The following FDFT1 variants were observed in gnomAD, a reference collection of about 807,000 sequenced individuals.
FDFT1 encodes the protein farnesyl-diphosphate farnesyltransferase 1, also known as squalene synthase.
FDFT1 carries 68 observed loss-of-function variants against 46.8 expected under a neutral mutation model. That is an observed-to-expected ratio of 1.45 (90% CI 1.19 to 1.78). The LOEUF (loss-of-function observed/expected upper bound fraction) is 1.78, where lower values mean the gene tolerates loss of function less well. Ranked by LOEUF, FDFT1 falls within the 40% of genes most tolerant of loss-of-function variation. FDFT1 has a pLI of 0.00. For synonymous variants in FDFT1, 351 were observed against 185.1 expected, an observed-to-expected ratio of 1.90 and a Z score of -7.28; for missense variants, 928 against 524.4, an observed-to-expected ratio of 1.77 and a Z score of -7.52.
intron 2 of FDFT1, chr8:11,809,103 G>T: frequency 7.8e-7 from 1 of 1,282,142 alleles, no homozygotes; most frequent in Non-Finnish European, 1.0e-6. Context: ...GCCTTTCAGA[G>T]AAGAGGGGGG....
chr8:11,810,806 G>A (rs1807610153), intron 3 of FDFT1, among the ~76,000 whole-genome samples: 1 of 151,992 alleles, frequency 6.6e-6, no homozygotes, highest in South Asian at 2.1e-4. Flanking sequence ...AGAGCTTTTG[G>A]AGAACAGTCC....
intron 3 of FDFT1, among the ~76,000 whole-genome samples, chr8:11,817,449 C>G (rs1478585273): frequency 6.6e-6 from 1 of 152,152 alleles, no homozygotes. Flanking sequence ...GGTACCAGCT[C>G]CTCTTTGTAC....
intron 7 of FDFT1, among the ~76,000 whole-genome samples, chr8:11,832,355 G>C (rs896874729): frequency 6.6e-6 from 1 of 151,684 alleles, no homozygotes; most frequent in Non-Finnish European, 1.5e-5. Context: ...AGGAATTCAA[G>C]ACCAGCCCGG....
chr8:11,824,606 T>TC (rs34732188), intron 4 of FDFT1, among the ~76,000 whole-genome samples: 71,387 of 151,420 alleles, frequency 0.47, 18,989 homozygotes, highest in Non-Finnish European at 0.6. Flanking sequence ...TTTTTTTTTT[T>TC]CTCACATGGG....
At chr8:11,803,073 C>T in intron 1 of FDFT1, 142 bp downstream of exon 1, 7 of 1,447,312 alleles carry the variant, frequency 4.8e-6, no homozygotes, top group Non-Finnish European at 5.4e-6. Flanking sequence ...CCCCTTTCCT[C>T]GAGCCTTCCC....
intron 1 of FDFT1, chr8:11,808,419 G>A (rs113733106): frequency 0.066 from 83,088 of 1,255,326 alleles, 3,044 homozygotes; most frequent in Non-Finnish European, 0.075. Flanking sequence ...GGCCCAGCGC[G>A]TATTCGAGTA....
chr8:11,800,548 A>G (rs1806013954), upstream of FDFT1, among the ~76,000 whole-genome samples: 2 of 152,180 alleles, frequency 1.3e-5, no homozygotes, highest in South Asian at 4.1e-4. Flanking sequence ...GGAAGGAGGA[A>G]GTAACTTGTG....
intron 3 of FDFT1, among the ~76,000 whole-genome samples, chr8:11,816,583 T>C (rs1001809096): frequency 7.1e-4 from 108 of 152,292 alleles, no homozygotes; most frequent in African/African-American, 2.4e-3. Context: ...AGGTCCTTCA[T>C]ATCCCTTGTA....
At chr8:11,825,671 T>C (rs1164875474) in intron 4 of FDFT1, among the ~76,000 whole-genome samples, 6 of 144,992 alleles carry the variant, frequency 4.1e-5, no homozygotes, top group Non-Finnish European at 7.5e-5. Context: ...TGGGCAAATA[T>C]ATGAGACTCC....
chr8:11,817,940 T>C (rs532619610), intron 3 of FDFT1, among the ~76,000 whole-genome samples: 7 of 152,216 alleles, frequency 4.6e-5, no homozygotes, highest in African/African-American at 1.7e-4. Flanking sequence ...CTAGTTCTTT[T>C]AATTGTGATG....
chr8:11,836,059 A>C (rs1374451898), intron 7 of FDFT1, among the ~76,000 whole-genome samples: 1 of 149,564 alleles, frequency 6.7e-6, no homozygotes, highest in Non-Finnish European at 1.5e-5. Context: ...AGGCTGAGGC[A>C]GGAGAATCGC....
intron 3 of FDFT1, among the ~76,000 whole-genome samples, chr8:11,812,863 G>A (rs181818286): frequency 6.6e-6 from 1 of 152,230 alleles, no homozygotes; most frequent in Non-Finnish European, 1.5e-5. Flanking sequence ...CTCATTGTAT[G>A]TTAGGGGTTC....
In FDFT1 at chr8:11,802,873, A is replaced by G. The variant is rs1489876863; in HGVS notation, c.41A>G (p.Tyr14Cys). Residue 14 changes from tyrosine (Y) to cysteine (C), a missense_variant, in exon 1 of 8, where the codon TAC becomes TGC. By Grantham distance (194) the Tyr-to-Cys change is radical. Transcript: ENST00000220584. ...TGCCTTGGCCACCCCGAAGAGTTCT[A>G]CAACCTGGTGCGCTTCCGGATCGGG... is the stretch of plus-strand genomic sequence containing the variant. ...VKCLGHPEEF[Y>C]NLVRFRIGGK... The G allele has an allele frequency of 6.2e-6, 10 of 1,612,390 alleles. No homozygotes were observed. The highest frequency in any genetic ancestry group is 1.1e-5 in the South Asian group (1 of 90,688).
At chr8:11,798,295 A>C (rs1206722703), upstream of FDFT1, 1 of 152,204 alleles carries the variant, frequency 6.6e-6, no homozygotes, top group African/African-American at 2.4e-5. Context: ...CCTGACCTCA[A>C]GTGATCCGCC....
rs916023354 is a variant in FDFT1 at position 11,826,032 on chromosome 8, C to G, written c.519C>G (p.His173Gln). 10 of 1,576,640 alleles carry G rather than the reference C, an allele frequency of 6.3e-6. No homozygotes were observed. The highest frequency in any genetic ancestry group is 8.7e-6 in the Non-Finnish European group (10 of 1,152,832). The change falls in exon 5 of 8, where the codon CAC becomes CAG. Residue 173 changes from histidine to glutamine, a missense_variant. By Grantham distance (24) the His-to-Gln change is conservative. Coordinates refer to ENST00000220584, the MANE Select transcript of FDFT1 (RefSeq NM_004462.5). ...TSEQEWDKYC[H>Q]YVAGLVGIGL... The stretch of plus-strand genomic sequence containing the variant: ...AAAATCGTCTCTTACAGTACTGCCA[C>G]TATGTTGCTGGGCTGGTCGGAATTG...
At chr8:11,831,143 A>T (rs2130875587) in intron 6 of FDFT1, among the ~76,000 whole-genome samples, 1 of 152,376 alleles carries the variant, frequency 6.6e-6, no homozygotes, top group East Asian at 1.9e-4. Context: ...AAAAATAGAA[A>T]AACAACTACA....
At chr8:11,830,718 T>G (rs1810655458) in intron 6 of FDFT1, among the ~76,000 whole-genome samples, 1 of 152,178 alleles carries the variant, frequency 6.6e-6, no homozygotes, top group Non-Finnish European at 1.5e-5. Flanking sequence ...TTGGCTTAGA[T>G]TTATGGGGAG....
chr8:11,834,962 A>G (rs1295385497), intron 7 of FDFT1, among the ~76,000 whole-genome samples: 1 of 152,202 alleles, frequency 6.6e-6, no homozygotes, highest in Admixed American at 6.5e-5. Context: ...TGTCTCTACT[A>G]AAAATACAAC....
upstream of FDFT1, chr8:11,801,993 A>G (rs956553033): frequency 1.9e-4 from 88 of 455,870 alleles, no homozygotes; most frequent in Admixed American, 2.0e-3. Context: ...CTGGACGGGT[A>G]GCCAGTAGTT....
Sources: allele counts gnomAD v4.1 joint callset (sites outside exome capture counted in the v4.1 genomes callset), GRCh38; gene constraint gnomAD v4.1.1; transcripts MANE v1.5; gene names NCBI Gene and HGNC (gene_info 2026-07-23, HGNC 2026-07-21).